The following CFH variants were observed in gnomAD, a reference collection of about 807,000 sequenced individuals.
CFH encodes the protein complement factor H, also known as H factor 1 (complement).
Under a neutral mutation model 147.3 loss-of-function variants are expected in CFH, and 53 were observed. That is an observed-to-expected ratio of 0.36 (90% CI 0.29 to 0.45). The LOEUF (loss-of-function observed/expected upper bound fraction) is 0.45. Ranked by LOEUF, CFH falls within the 20% of genes least tolerant of loss-of-function variation. The probability of loss-of-function intolerance (pLI) is 1.00; values close to 1 mark genes in which losing one functional copy is unlikely to be tolerated. For missense variants in CFH, 1,380 were observed against 1,498.0 expected (o/e 0.92, Z 1.30); for synonymous variants, 536 against 489.4 (o/e 1.10, Z -1.26).
chr1:196,664,411 A>G (rs986822636), intron 1 of CFH, among the ~76,000 whole-genome samples: 1 of 152,162 alleles, frequency 6.6e-6, no homozygotes. Context: ...AATCTGAAAT[A>G]ATGAATCCCA....
At chr1:196,652,502 A>G (rs1666536566) in intron 1 of CFH, among the ~76,000 whole-genome samples, 1 of 151,932 alleles carries the variant, frequency 6.6e-6, no homozygotes, top group Admixed American at 6.6e-5. Flanking sequence ...GAGTATAACC[A>G]AAATGTATTA....
intron 1 of CFH, among the ~76,000 whole-genome samples, chr1:196,663,597 C>T (rs963181222): frequency 6.6e-6 from 1 of 151,736 alleles, no homozygotes; most frequent in Non-Finnish European, 1.5e-5. Flanking sequence ...CTTTTTCTCC[C>T]GTATAATGTC....
In CFH at chr1:196,684,664, G is replaced by T. The variant is rs138795187; in HGVS notation, c.791-400G>T. On this transcript the variant is annotated intron_variant, in intron 6 of 21. Coordinates refer to ENST00000367429, the MANE Select transcript of CFH (RefSeq NM_000186.4). The stretch of plus-strand genomic sequence containing the variant: ...GCCACAGTTACTTCAAAGAGGAAGG[G>T]TTGCGCAGTCCTATCAATTGTCCAG... Among the ~76,000 whole-genome samples the T allele has an allele frequency of 1.5e-3, 222 of 152,064 alleles. 1 individual carries two copies. The highest frequency in any genetic ancestry group is 5.1e-3 in the African/African-American group (213 of 41,508).
At chr1:196,715,846 A>G (rs1668858292) in intron 11 of CFH, 77 bp downstream of exon 11, 2 of 1,226,006 alleles carry the variant, frequency 1.6e-6, no homozygotes, top group African/African-American at 3.0e-5. Context: ...TTTGAATTAT[A>G]TAGAGGAATT....
chr1:196,700,537 C>T (rs1668419042), intron 9 of CFH, among the ~76,000 whole-genome samples: 1 of 151,786 alleles, frequency 6.6e-6, no homozygotes, highest in Non-Finnish European at 1.5e-5. Flanking sequence ...GCCTGTAATC[C>T]CAGTTACTTG....
intron 19 of CFH, 151 bp from the exon 20 acceptor site, chr1:196,743,301 A>G: frequency 2.4e-6 from 3 of 1,249,836 alleles, no homozygotes; most frequent in Admixed American, 2.1e-5. Context: ...TTTCCTCAAT[A>G]TTACATTTAA....
At chr1:196,691,863 T>C (rs1668035069) in intron 9 of CFH, among the ~76,000 whole-genome samples, 1 of 152,078 alleles carries the variant, frequency 6.6e-6, no homozygotes, top group Non-Finnish European at 1.5e-5. Context: ...TAAAAAGTTA[T>C]AAGTTACCTT....
chr1:196,727,346 A>T (rs1437663552), intron 14 of CFH, among the ~76,000 whole-genome samples: 1 of 151,980 alleles, frequency 6.6e-6, no homozygotes, highest in Admixed American at 6.6e-5. Flanking sequence ...TATAAAAAAA[A>T]TTTTGTAATT....
chr1:196,690,145 T>C lies in CFH; in HGVS notation c.1242T>C (p.Val414=), dbSNP rs1558162082. ...RKFVQGKSID[V]ACHPGYALPK... is the part of the protein sequence containing the mutation. ...TTGTACAGGGTAAATCTATAGACGT[T>C]GCCTGCCATCCTGGCTACGCTCTTC... The change falls in exon 9 of 22, where the codon GTT becomes GTC. Residue 414 remains valine (V), a synonymous_variant. Coordinates refer to ENST00000367429, the MANE Select transcript of CFH (RefSeq NM_000186.4). The C allele has an allele frequency of 1.7e-5, 28 of 1,613,340 alleles. No individual in the cohort carries two copies. Among genetic ancestry groups the C allele is most frequent in the Non-Finnish European group, 1.9e-5 (23 of 1,179,558 alleles).
chr1:196,669,563 C>T (rs1466496606), intron 1 of CFH, among the ~76,000 whole-genome samples: 1 of 152,206 alleles, frequency 6.6e-6, no homozygotes, highest in Non-Finnish European at 1.5e-5. Flanking sequence ...GCCATTGCTT[C>T]AGATAATGAA....
intron 5 of CFH, 85 bp from the exon 6 acceptor site, chr1:196,679,538 A>T: frequency 1.9e-6 from 2 of 1,053,128 alleles, no homozygotes; most frequent in East Asian, 4.9e-5. Context: ...GATGGAAACA[A>T]CATTTCTGTT....
intron 15 of CFH, among the ~76,000 whole-genome samples, chr1:196,735,752 C>T (rs1669386535): frequency 6.6e-6 from 1 of 151,962 alleles, no homozygotes; most frequent in Admixed American, 6.6e-5. Flanking sequence ...ATGTTAAAAA[C>T]ATGTCAAAAT....
At chr1:196,695,451 C>G (rs1265510493) in intron 9 of CFH, among the ~76,000 whole-genome samples, 1 of 152,044 alleles carries the variant, frequency 6.6e-6, no homozygotes, top group Non-Finnish European at 1.5e-5. Context: ...GATGCATCAG[C>G]TTTGTGCTTT....
At chr1:196,718,199 A>T (rs10465586) in intron 11 of CFH, among the ~76,000 whole-genome samples, 66,608 of 151,856 alleles carry the variant, frequency 0.44, 14,770 homozygotes, top group South Asian at 0.56. Flanking sequence ...CAGAGATTTT[A>T]TTCTAATATA....
At chr1:196,672,957 T>A (rs1667333285) in intron 1 of CFH, 21 bp from the exon 2 acceptor site, 6 of 1,603,644 alleles carry the variant, frequency 3.7e-6, no homozygotes, top group Non-Finnish European at 4.3e-6. Flanking sequence ...TATGCACTTA[T>A]TTTGTTTTTA....
chr1:196,695,376 T>C (rs1012098855), intron 9 of CFH, among the ~76,000 whole-genome samples: 1 of 152,220 alleles, frequency 6.6e-6, no homozygotes, highest in African/African-American at 2.4e-5. Flanking sequence ...ATATCTGTTC[T>C]GGTACAAGTA....
chr1:196,655,877 C>A (rs1666668979), intron 1 of CFH, among the ~76,000 whole-genome samples: 1 of 152,094 alleles, frequency 6.6e-6, no homozygotes, highest in South Asian at 2.1e-4. Context: ...AATAAAGTAA[C>A]TGAACATCAA....
At chr1:196,728,204 G>T (rs1281139029) in intron 14 of CFH, 142 bp from the exon 15 acceptor site, 1 of 598,708 alleles carries the variant, frequency 1.7e-6, no homozygotes, top group Non-Finnish European at 2.7e-6. Context: ...AATGTGATCA[G>T]GAATAACTTG....
chr1:196,703,561 T>C (rs2268343), intron 9 of CFH, among the ~76,000 whole-genome samples: 1 of 152,200 alleles, frequency 6.6e-6, no homozygotes, highest in East Asian at 1.9e-4. Context: ...TGGTGCCATC[T>C]ATTTGGTGTT....
Sources: gnomAD v4.1 joint callset for allele counts (sites outside exome capture counted in the v4.1 genomes callset) on GRCh38, gnomAD v4.1.1 for gene constraint, MANE v1.5 for transcripts, NCBI Gene and HGNC (gene_info 2026-07-23, HGNC 2026-07-21) for gene names.